Variants in ATG5 observed in about 807,000 individuals in gnomAD.
ATG5 encodes autophagy protein 5.
A neutral mutation model predicts 36.5 loss-of-function variants in ATG5; 14 were observed. The ratio of observed to expected loss-of-function variants is 0.38; its 90% CI spans 0.25 to 0.60. ATG5 has a LOEUF of 0.60. Ranked by LOEUF, ATG5 falls within the 20% of genes least tolerant of loss-of-function variation. The pLI is 0.60. For missense variants in ATG5, 195 were observed against 326.7 expected (o/e 0.60, Z 3.11); for synonymous variants, 95 against 101.5 (o/e 0.94, Z 0.38).
At chr6:106,250,978 T>C (rs1464911752) in intron 5 of ATG5, among the ~76,000 whole-genome samples, 1 of 152,208 alleles carries the variant, frequency 6.6e-6, no homozygotes, top group Non-Finnish European at 1.5e-5. Flanking sequence ...TTCTGCCCAA[T>C]GTCCAGATAC....
At chr6:106,199,244 A>G (rs1776324784) in intron 7 of ATG5, among the ~76,000 whole-genome samples, 2 of 152,212 alleles carry the variant, frequency 1.3e-5, no homozygotes, top group Admixed American at 6.5e-5. Flanking sequence ...ATGAAAACAA[A>G]TGTCCACAGA....
intron 5 of ATG5, among the ~76,000 whole-genome samples, chr6:106,262,484 A>G (rs1414879498): frequency 6.6e-6 from 1 of 152,212 alleles, no homozygotes; most frequent in Non-Finnish European, 1.5e-5. Context: ...AAGGATTAGA[A>G]AAGTAAGTAC....
In ATG5 at chr6:106,293,108, T is replaced by TA; in HGVS notation, c.237-3dup. ...AATAGCAAACCAATTGGATAATGCC[T>TA]AAAAATGAAACAGTATATTTTGAGA... On this transcript the variant is annotated splice_polypyrimidine_tract_variant and splice_region_variant and intron_variant, in intron 3 of 7. Transcript: ENST00000369076. The TA allele has an allele frequency of 8.1e-6, 13 of 1,611,036 alleles. No individual in the cohort carries two copies. The highest frequency in any genetic ancestry group is 1.1e-5 in the Non-Finnish European group (13 of 1,177,564).
chr6:106,249,804 G>C (rs1778494718), intron 5 of ATG5, among the ~76,000 whole-genome samples: 1 of 152,124 alleles, frequency 6.6e-6, no homozygotes, highest in South Asian at 2.1e-4. Context: ...TAATCATTCT[G>C]GCAGGCATCA....
chr6:106,249,380 T>C (rs1435255079), intron 5 of ATG5, among the ~76,000 whole-genome samples: 2 of 152,232 alleles, frequency 1.3e-5, no homozygotes, highest in Admixed American at 1.3e-4. Context: ...GGTTTTTCGC[T>C]TGGCATAATA....
At chr6:106,313,399 G>C (rs190363902) in intron 2 of ATG5, among the ~76,000 whole-genome samples, 4 of 152,174 alleles carry the variant, frequency 2.6e-5, no homozygotes, top group Non-Finnish European at 5.9e-5. Flanking sequence ...ATACATAAAC[G>C]GATCGCTGCC....
rs550887425 is a variant in ATG5 at position 106,191,134 on chromosome 6, T to C, written c.692-4458A>G. On this transcript the variant is annotated intron_variant, in intron 7 of 7. Transcript: ENST00000369076. Reference sequence around the variant, plus strand: ...AATCATGTGGGAAATTAAAAGAATATATACATATATATGAGCTGAGCTCCT... The same window carrying C: ...AATCATGTGGGAAATTAAAAGAATACATACATATATATGAGCTGAGCTCCT... Among the ~76,000 whole-genome samples the C allele has an allele frequency of 7.7e-4, 118 of 152,316 alleles. 1 individual carries two copies. Among genetic ancestry groups the C allele is most frequent in the Non-Finnish European group, 1.3e-3 (89 of 68,018 alleles).
intron 6 of ATG5, among the ~76,000 whole-genome samples, chr6:106,222,335 T>A (rs1315643600): frequency 6.6e-6 from 1 of 152,228 alleles, no homozygotes; most frequent in Non-Finnish European, 1.5e-5. Context: ...TGCATGAGCA[T>A]GGGAATTGAA....
intron 5 of ATG5, among the ~76,000 whole-genome samples, chr6:106,260,949 T>C (rs73522648): frequency 0.079 from 12,030 of 152,244 alleles, 496 homozygotes; most frequent in South Asian, 0.13. Flanking sequence ...AAATGATTTC[T>C]AGGCTTTTGT....
intron 5 of ATG5, among the ~76,000 whole-genome samples, chr6:106,273,316 A>G (rs1188757171): frequency 6.6e-6 from 1 of 152,180 alleles, no homozygotes; most frequent in East Asian, 1.9e-4. Context: ...TAGTTTTTCT[A>G]TGTTACCACA....
chr6:106,273,992 T>C (rs1779550365), intron 5 of ATG5, among the ~76,000 whole-genome samples: 1 of 152,208 alleles, frequency 6.6e-6, no homozygotes, highest in South Asian at 2.1e-4. Context: ...TATTAATTAG[T>C]TGAAAAAGCC....
At chr6:106,228,952 C>A (rs1405469920) in intron 6 of ATG5, among the ~76,000 whole-genome samples, 1 of 152,212 alleles carries the variant, frequency 6.6e-6, no homozygotes, top group Admixed American at 6.5e-5. Flanking sequence ...AGCTGTCGTC[C>A]CGAACTCCCG....
At chr6:106,285,196 G>A (rs558854893) in intron 4 of ATG5, among the ~76,000 whole-genome samples, 4 of 152,218 alleles carry the variant, frequency 2.6e-5, no homozygotes, top group Non-Finnish European at 4.4e-5. Flanking sequence ...TTAATTTGCT[G>A]TTAAGCCCAT....
In ATG5 at chr6:106,185,065, T is replaced by G. The variant is rs1218936888; in HGVS notation, c.*1475A>C. On this transcript the variant is annotated 3_prime_UTR_variant, in exon 8 of 8. Transcript: ENST00000369076. ...TCTACTTGCTTCTAAGTTTCTGAGATTGTATGCTGTACTGGCTATTCTTTT... is the reference window on the plus strand; with the variant it reads ...TCTACTTGCTTCTAAGTTTCTGAGAGTGTATGCTGTACTGGCTATTCTTTT... 6.6e-6 allele frequency: 1 copy of G among 152,502 alleles called. No individual in the cohort carries two copies. The highest frequency in any genetic ancestry group is 1.5e-5 in the Non-Finnish European group (1 of 68,028). The allele number at this position is 152,502 out of a possible 1,614,324, so 9.4% of individuals were successfully genotyped here. A position where few individuals can be genotyped will look rare whatever the true frequency, so the allele number is the denominator to read the frequency against.
At chr6:106,258,114 T>C (rs1778866130) in intron 5 of ATG5, among the ~76,000 whole-genome samples, 2 of 152,128 alleles carry the variant, frequency 1.3e-5, no homozygotes, top group South Asian at 4.1e-4. Context: ...TAATGCTTGA[T>C]GGCTCAAGTC....
At chr6:106,250,514 C>A (rs1778532135) in intron 5 of ATG5, among the ~76,000 whole-genome samples, 1 of 152,234 alleles carries the variant, frequency 6.6e-6, no homozygotes, top group African/African-American at 2.4e-5. Flanking sequence ...TCAACAGTTG[C>A]TGCCACGAAA....
At chr6:106,308,683 C>T (rs557816906) in intron 2 of ATG5, among the ~76,000 whole-genome samples, 192 bp from the exon 3 acceptor site, 1 of 152,158 alleles carries the variant, frequency 6.6e-6, no homozygotes, top group African/African-American at 2.4e-5. Context: ...TCTTATGGGG[C>T]CATTACTTTA....
chr6:106,254,029 C>G (rs1314674258), intron 5 of ATG5, among the ~76,000 whole-genome samples: 1 of 152,186 alleles, frequency 6.6e-6, no homozygotes, highest in Non-Finnish European at 1.5e-5. Context: ...ACCTTACTAA[C>G]TTACTAAGTT....
intron 2 of ATG5, among the ~76,000 whole-genome samples, chr6:106,315,698 G>GA (rs1770820667): frequency 6.6e-6 from 1 of 151,978 alleles, no homozygotes; most frequent in Non-Finnish European, 1.5e-5. Context: ...AACTACAAAA[G>GA]AATACAATCT....
Sources: allele counts gnomAD v4.1 joint callset (sites outside exome capture counted in the v4.1 genomes callset), GRCh38; gene constraint gnomAD v4.1.1; transcripts MANE v1.5; gene names NCBI Gene and HGNC (gene_info 2026-07-23, HGNC 2026-07-21).